The following PHLPP1 variants were observed in gnomAD, a reference collection of about 807,000 sequenced individuals.
The protein encoded by PHLPP1 is PH domain and leucine rich repeat protein phosphatase 1.
A neutral mutation model predicts 117.2 loss-of-function variants in PHLPP1; 42 were observed. The ratio of observed to expected loss-of-function variants is 0.36; its 90% CI spans 0.28 to 0.46. The LOEUF is 0.46. Among genes scored for constraint, PHLPP1 ranks in the 20% least tolerant of loss-of-function variants. PHLPP1 has a pLI of 1.00. For missense variants in PHLPP1, 2,084 were observed against 2,241.9 expected, an observed-to-expected ratio of 0.93 and a Z score of 1.42; for synonymous variants, 1,042 against 970.7, an observed-to-expected ratio of 1.07 and a Z score of -1.37.
intron 12 of PHLPP1, among the ~76,000 whole-genome samples, chr18:62,950,065 T>C (rs1000794214): frequency 2.0e-5 from 3 of 152,216 alleles, no homozygotes; most frequent in Admixed American, 2.0e-4. Context: ...GCAGGTGAAA[T>C]AAGTGTTGAT....
chr18:62,957,033 G>A (rs1196787714), intron 12 of PHLPP1, among the ~76,000 whole-genome samples: 3 of 152,020 alleles, frequency 2.0e-5, no homozygotes, highest in Non-Finnish European at 2.9e-5. Flanking sequence ...AAGGACTGAA[G>A]AGAGAACAAA....
At chr18:62,808,565 T>TTTTTTTTTTTTTA (rs747889895) in intron 1 of PHLPP1, among the ~76,000 whole-genome samples, 2 of 150,802 alleles carry the variant, frequency 1.3e-5, no homozygotes, top group Non-Finnish European at 3.0e-5. Flanking sequence ...TTGTTTTTTT[T>TTTTTTTTTTTTTA]TTTTGAGACG....
chr18:62,914,948 A>C lies in PHLPP1; in HGVS notation c.2744A>C (p.Glu915Ala). The part of the protein sequence containing the change: ...RLENVPEWVC[E>A]SRKLEVLDIG... ...GAAAATGTGCCTGAGTGGGTATGTGAAAGCCGAAAGCTAGAAGTTTTGGAT... is the reference window on the plus strand; with the variant it reads ...GAAAATGTGCCTGAGTGGGTATGTGCAAGCCGAAAGCTAGAAGTTTTGGAT... The change falls in exon 9 of 17, where the codon GAA becomes GCA. Residue 915 changes from glutamate (E) to alanine (A), a missense_variant. Around this residue, in one of 2 missense-constraint regions of PHLPP1, gnomAD observed 1,365 missense variants for 1,605.9 expected, o/e 0.85. Coordinates refer to ENST00000262719, the MANE Select transcript of PHLPP1 (RefSeq NM_194449.4). 4 of 1,613,868 alleles carry C rather than the reference A, an allele frequency of 2.5e-6. No individual in the cohort carries two copies. The highest frequency in any genetic ancestry group is 3.4e-6 in the Non-Finnish European group (4 of 1,179,798).
chr18:62,844,367 G>A (rs1279593918), intron 3 of PHLPP1, among the ~76,000 whole-genome samples: 3 of 152,038 alleles, frequency 2.0e-5, no homozygotes, highest in African/African-American at 7.2e-5. Context: ...TAAAAATAAA[G>A]TATTTTTCTT....
rs200141250 is a variant in PHLPP1, at chr18:62,892,082, C to CT, written c.2067-2903dup. On this transcript the variant is annotated intron_variant, in intron 4 of 16. Transcript: ENST00000262719. ...TTTTCTTTCTTTTCTTTCTTTCTTT[C>CT]TTTTTTTTTTTTTTTTTTTTTTTTT... is the stretch of plus-strand genomic sequence containing the variant. Among the ~76,000 whole-genome samples the CT allele has an allele frequency of 7.4e-3, 800 of 107,824 alleles. 5 individuals are homozygous for CT. The highest frequency in any genetic ancestry group is 0.017 in the South Asian group (53 of 3,058). 70.7% of individuals were successfully genotyped at this position (107,824 alleles called of 152,430 possible).
chr18:62,794,878 C>T (rs544571251), intron 1 of PHLPP1, among the ~76,000 whole-genome samples: 5 of 152,222 alleles, frequency 3.3e-5, no homozygotes, highest in Non-Finnish European at 5.9e-5. Context: ...TTCTAATGAG[C>T]ATCAATACTT....
chr18:62,726,117 T>TACAC (rs146915477), intron 1 of PHLPP1, among the ~76,000 whole-genome samples: 372 of 149,662 alleles, frequency 2.5e-3, no homozygotes, highest in African/African-American at 7.0e-3. Context: ...TATGTGTATA[T>TACAC]ACACACACAC....
At chr18:62,957,930 A>T (rs879673792) in intron 12 of PHLPP1, among the ~76,000 whole-genome samples, 1 of 151,024 alleles carries the variant, frequency 6.6e-6, no homozygotes, top group African/African-American at 2.4e-5. Flanking sequence ...CTGATCTCGA[A>T]CTCCTGACCT....
rs185316390 is a variant in PHLPP1 at position 62,817,827 on chromosome 18, C to T, written c.1577-12208C>T. Among the ~76,000 whole-genome samples, 114 of 147,426 alleles carry T rather than the reference C, an allele frequency of 7.7e-4. 1 individual carries two copies. Among genetic ancestry groups the T allele is most frequent in the Admixed American group, 2.2e-3 (33 of 14,732 alleles). ...AAGCACTGACAGAATGCAGAACATG[C>T]TAGGACTTAAGAATGGCAACAGACT... is the stretch of plus-strand genomic sequence containing the variant. On this transcript the variant is annotated intron_variant, in intron 1 of 16. Transcript: ENST00000262719.
At chr18:62,835,197 C>CT (rs1027146170) in intron 2 of PHLPP1, among the ~76,000 whole-genome samples, 27 of 142,924 alleles carry the variant, frequency 1.9e-4, no homozygotes, top group Middle Eastern at 3.7e-3. Flanking sequence ...ATCAATGATC[C>CT]TTTTTTTTTT....
In PHLPP1 at chr18:62,716,200, G is replaced by A. The variant is rs1164322275; in HGVS notation, c.517G>A (p.Asp173Asn). 2.0e-5 allele frequency: 30 copies of A among 1,524,612 alleles called. No individual in the cohort carries two copies. Among genetic ancestry groups the A allele is most frequent in the Non-Finnish European group, 2.6e-5 (30 of 1,141,862 alleles). The allele number at this position is 1,524,612 out of a possible 1,614,324, so 94.4% of individuals were successfully genotyped here. A position where few individuals can be genotyped will look rare whatever the true frequency, so the allele number is the denominator to read the frequency against. ...GGCGTCGCTGTGCACCCGGAGCCTG[G>A]ACAGGAAGACGCTGCTTCTGAAGCA... ...ASASLCTRSL[D>N]RKTLLLKHRQ... The change falls in exon 1 of 17, where the codon GAC becomes AAC. Residue 173 changes from aspartate to asparagine, a missense_variant. Physicochemically the swap from Asp to Asn is conservative, Grantham distance 23 (BLOSUM62 1). Transcript: ENST00000262719. The surrounding 1 kb of genome is among the most constrained non-coding windows in gnomAD (Gnocchi z 5.7).
At chr18:62,844,087 C>A (rs1915117031) in intron 3 of PHLPP1, among the ~76,000 whole-genome samples, 2 of 152,160 alleles carry the variant, frequency 1.3e-5, no homozygotes, top group Non-Finnish European at 2.9e-5. Context: ...TGGCTCACAC[C>A]TGTAATCCCA....
At chr18:62,762,008 A>G (rs1912260795) in intron 1 of PHLPP1, among the ~76,000 whole-genome samples, 1 of 152,222 alleles carries the variant, frequency 6.6e-6, no homozygotes, top group Non-Finnish European at 1.5e-5. Context: ...ATGAAGATCT[A>G]AAGCTTTTAC....
At chr18:62,924,012 C>G (rs1167261419) in intron 10 of PHLPP1, among the ~76,000 whole-genome samples, 1 of 152,172 alleles carries the variant, frequency 6.6e-6, no homozygotes, top group Non-Finnish European at 1.5e-5. Flanking sequence ...GAATTATCCT[C>G]AAGAAGCTTA....
intron 10 of PHLPP1, among the ~76,000 whole-genome samples, chr18:62,930,893 A>G (rs1940275615): frequency 6.6e-6 from 1 of 152,182 alleles, no homozygotes; most frequent in Non-Finnish European, 1.5e-5. Flanking sequence ...GAAACTCTCA[A>G]AACCACACAA....
intron 1 of PHLPP1, among the ~76,000 whole-genome samples, chr18:62,748,244 TTTG>T (rs1341349746): frequency 1.4e-5 from 2 of 142,584 alleles, no homozygotes; most frequent in African/African-American, 3.0e-5. Flanking sequence ...TAGGGTTTTT[TTTG>T]TTTTTTTTTT....
chr18:62,719,480 A>G lies in PHLPP1; in HGVS notation c.1576+2221A>G, dbSNP rs373384045. ...GAAACGTTGTCAGGACTCCACATAT[A>G]GTGAAGGTTTGCACCAGGCTGGAAG... On this transcript the variant is annotated intron_variant, in intron 1 of 16. Coordinates refer to ENST00000262719, the MANE Select transcript of PHLPP1 (RefSeq NM_194449.4). Among the ~76,000 whole-genome samples the G allele has an allele frequency of 6.9e-4, 105 of 152,344 alleles. 1 individual carries two copies. In the South Asian group the frequency reaches 0.021, roughly 31 times the overall value.
intron 1 of PHLPP1, chr18:62,824,304 AG>A: frequency 2.4e-6 from 1 of 410,126 alleles, no homozygotes; most frequent in Non-Finnish European, 4.7e-6. Flanking sequence ...CCATCAAAAT[AG>A]AAAAAAAAAA....
At chr18:62,885,683 A>G (rs1173892530) in intron 4 of PHLPP1, among the ~76,000 whole-genome samples, 2 of 152,162 alleles carry the variant, frequency 1.3e-5, no homozygotes, top group African/African-American at 4.8e-5. Context: ...AACAAAACAA[A>G]AAAACTTTAT....
Sources: gnomAD v4.1 joint callset for allele counts (sites outside exome capture counted in the v4.1 genomes callset) on GRCh38, gnomAD v4.1.1 for gene constraint, gnomAD v4.1.1 regional missense constraint, Gnocchi (gnomAD v3.1) non-coding constraint, MANE v1.5 for transcripts, NCBI Gene and HGNC (gene_info 2026-07-23, HGNC 2026-07-21) for gene names.